FAM9A: variants seen among roughly 807,000 people sequenced by gnomAD.
The protein encoded by FAM9A is protein FAM9A.
Under a neutral mutation model 25.0 loss-of-function variants are expected in FAM9A, and 49 were observed. That is an observed-to-expected ratio of 1.96 (90% CI 1.56 to 2.48). The LOEUF (loss-of-function observed/expected upper bound fraction) is 2.48. Among genes scored for constraint, FAM9A ranks in the 30% most tolerant of loss-of-function variants. The probability of loss-of-function intolerance (pLI) is 0.00; values close to 1 mark genes in which losing one functional copy is unlikely to be tolerated. For missense variants in FAM9A, 266 were observed against 249.3 expected (o/e 1.07, Z -0.45); for synonymous variants, 80 against 85.1 (o/e 0.94, Z 0.33).
chrX:8,793,792 A>G (rs1569103692), intron 7 of FAM9A, 36 bp from the exon 8 acceptor site: 3 of 948,568 alleles, frequency 3.2e-6, no homozygotes, highest in Middle Eastern at 2.6e-4. Context: ...AAAATTGGGT[A>G]ATTTTTAATA....
At chrX:8,797,248 A>G (rs1386188221) in intron 5 of FAM9A, among the ~76,000 whole-genome samples, 1 of 112,236 alleles carries the variant, frequency 8.9e-6, no homozygotes, top group Non-Finnish European at 1.9e-5. Flanking sequence ...AAGAGCTGAA[A>G]ACTGAATTGA....
chrX:8,799,716 T>G (rs867813029), intron 2 of FAM9A, among the ~76,000 whole-genome samples: 1 of 33,489 alleles, frequency 3.0e-5, no homozygotes, highest in African/African-American at 1.3e-4. Context: ...CCCCCGACCC[T>G]CCCCCCTCTG....
chrX:8,795,245 C>G lies in FAM9A; in HGVS notation c.664G>C (p.Glu222Gln). The G allele has an allele frequency of 8.6e-7, 1 of 1,156,357 alleles. No individual in the cohort carries two copies. The highest frequency in any genetic ancestry group is 1.2e-6 in the Non-Finnish European group (1 of 859,362). Residue 222 changes from glutamate (E) to glutamine (Q), a missense_variant, in exon 7 of 10, where the codon GAA becomes CAA. Coordinates refer to ENST00000381003, the MANE Select transcript of FAM9A (RefSeq NM_174951.3). ...TCCTCCTCCTTCTCTTCCTCCTCTT[C>G]GTCTTCTACTACTATTACTTCTGCT... ...AAAEVIVVED[E>Q]EEEEKEEEEE... is the part of the protein sequence containing the mutation.
intron 5 of FAM9A, among the ~76,000 whole-genome samples, 165 bp downstream of exon 5, chrX:8,797,985 T>C (rs953403781): frequency 1.8e-5 from 2 of 111,948 alleles, no homozygotes; most frequent in East Asian, 5.6e-4. Context: ...AAGGTAAGTA[T>C]GAAAATTTAT....
At chrX:8,800,027 T>C (rs1270941303) in intron 2 of FAM9A, 54 bp downstream of exon 2, 18 of 1,158,365 alleles carry the variant, frequency 1.6e-5, no homozygotes, top group Middle Eastern at 4.7e-4. Context: ...GGTCTCGGGC[T>C]GCCCATGTGC....
intron 7 of FAM9A, among the ~76,000 whole-genome samples, chrX:8,794,216 G>A (rs1158573292): frequency 9.0e-6 from 1 of 111,411 alleles, no homozygotes; most frequent in Non-Finnish European, 1.9e-5. Context: ...CAACAACAGT[G>A]TTCTCCTCTC....
Position 8,795,380 on chromosome X carries a change from C to A in FAM9A, c.529G>T (p.Val177Phe). ...DYRHTRKLLN[V>F]LKEYIAEKQK... is the part of the protein sequence containing the mutation. ...TTCTCTGCGATGTATTCTTTAAGGA[C>A]ATTCAGCAACTTCCGAGTATGTCTA... The change falls in exon 7 of 10, where the codon GTC becomes TTC. Residue 177 changes from valine to phenylalanine, a missense_variant. By Grantham distance (50) the Val-to-Phe change is conservative (BLOSUM62 -1). Transcript: ENST00000381003. The A allele has an allele frequency of 8.3e-7, 1 of 1,203,679 alleles. No individual in the cohort carries two copies. Among genetic ancestry groups the A allele is most frequent in the South Asian group, 1.8e-5 (1 of 56,500 alleles).
intron 7 of FAM9A, 78 bp from the exon 8 acceptor site, chrX:8,793,834 A>G (rs1227828928): frequency 6.1e-6 from 4 of 655,994 alleles, no homozygotes; most frequent in Non-Finnish European, 9.6e-6. Context: ...TTAGCTTTAT[A>G]GGAATACTCT....
In FAM9A at chrX:8,793,314, G is replaced by A. The variant is rs758235750; in HGVS notation, c.930+344C>T. 3.9e-4 allele frequency among the ~76,000 whole-genome samples: 44 copies of A among 111,909 alleles called. 2 individuals carry two copies. The highest frequency in any genetic ancestry group is 1.3e-3 in the African/African-American group (41 of 30,828). ...TTGTGGGAATCATGTATCTCCTACC[G>A]CTCAAGAACATAGCCAAGGTCTGTT... On this transcript the variant is annotated intron_variant, in intron 8 of 9. Coordinates refer to ENST00000381003, the MANE Select transcript of FAM9A (RefSeq NM_174951.3).
intron 8 of FAM9A, 108 bp downstream of exon 8, chrX:8,793,549 TA>T: frequency 1.7e-6 from 1 of 573,584 alleles, no homozygotes; most frequent in Non-Finnish European, 2.8e-6. Context: ...GTAAGTAATT[TA>T]AAATGCATAA....
chrX:8,800,336 G>A, intron 1 of FAM9A, 127 bp from the exon 2 acceptor site: 1 of 889,718 alleles, frequency 1.1e-6, no homozygotes, highest in South Asian at 2.5e-5. Context: ...GGAGCAGGAG[G>A]GGTCGGAGAA....
intron 7 of FAM9A, 118 bp downstream of exon 7, chrX:8,794,960 A>C: frequency 5.7e-6 from 6 of 1,044,130 alleles, no homozygotes; most frequent in Non-Finnish European, 6.4e-6. Flanking sequence ...GAGTCCACTT[A>C]TGGGCCCCCC....
rs1933515714 is a variant in FAM9A, at chrX:8,795,204, CTCT to C, written c.702_704del (p.Glu239del). 2.8e-6 allele frequency: 3 copies of C among 1,053,490 alleles called. No homozygotes were observed. Among genetic ancestry groups the C allele is most frequent in the Admixed American group, 2.6e-5 (1 of 38,249 alleles). 86.8% of individuals were successfully genotyped at this position (1,053,490 alleles called of 1,213,427 possible). On this transcript the variant is annotated inframe_deletion, in exon 7 of 10. Transcript: ENST00000381003. ...CTTCTTCTTCTCCTTCTTCTTCCTC[CTCT>C]TCTTTCTCCTCCTCCTCCTCCTTCT...
In FAM9A at chrX:8,797,216, C is replaced by T. The variant is rs766995981; in HGVS notation, c.374-834G>A. Among the ~76,000 whole-genome samples, 6 of 112,380 alleles carry T rather than the reference C, an allele frequency of 5.3e-5. No homozygotes were observed. The East Asian group carries it at 1.7e-3, about 31-fold the overall frequency. Reference sequence around the variant, plus strand: ...AGAGCAAAGCTTTCCAAATATACTGCTTGTATGAATTATCGCTAGAGAAGA... The same window carrying T: ...AGAGCAAAGCTTTCCAAATATACTGTTTGTATGAATTATCGCTAGAGAAGA... On this transcript the variant is annotated intron_variant, in intron 5 of 9. Coordinates refer to ENST00000381003, the MANE Select transcript of FAM9A (RefSeq NM_174951.3).
chrX:8,793,253 A>G (rs1933489590), intron 8 of FAM9A, among the ~76,000 whole-genome samples: 1 of 112,099 alleles, frequency 8.9e-6, no homozygotes, highest in African/African-American at 3.2e-5. Context: ...ATTAAAACCC[A>G]TTTATGCCTA....
At chrX:8,796,679 A>G (rs1273022048) in intron 5 of FAM9A, among the ~76,000 whole-genome samples, 1 of 112,307 alleles carries the variant, frequency 8.9e-6, no homozygotes, top group East Asian at 2.8e-4. Flanking sequence ...TTACAAACAC[A>G]GACTCTAATT....
intron 7 of FAM9A, among the ~76,000 whole-genome samples, 167 bp from the exon 8 acceptor site, chrX:8,793,923 G>A (rs1249603490): frequency 1.8e-5 from 2 of 112,205 alleles, no homozygotes; most frequent in African/African-American, 6.5e-5. Context: ...CCACCCATAT[G>A]CTAAAATGAT....
rs755391299 is a variant in FAM9A, at chrX:8,800,117, C to A, written c.55G>T (p.Ala19Ser). Residue 19 changes from alanine (A) to serine (S), a missense_variant, in exon 2 of 10, where the codon GCT becomes TCT. By Grantham distance (99) the Ala-to-Ser change is moderately conservative (BLOSUM62 1). Transcript: ENST00000381003. The stretch of plus-strand genomic sequence containing the variant: ...GCCCCCTGGGCGGCCGTAACTTGAG[C>A]TTCCAACTGAGCTTTGGCAGCCTTC... ...SRKAAKAQLEAQVTAAQGATK... is the reference protein window; with the variant it reads ...SRKAAKAQLESQVTAAQGATK... The A allele has an allele frequency of 5.0e-6, 6 of 1,206,595 alleles. No homozygotes were observed. Among genetic ancestry groups the A allele is most frequent in the Non-Finnish European group, 6.7e-6 (6 of 893,821 alleles).
Position 8,791,136 on chromosome X carries a change from G to A in FAM9A, c.*68C>T. 2.4e-6 allele frequency: 1 copy of A among 408,558 alleles called. No individual in the cohort carries two copies. Among genetic ancestry groups the A allele is most frequent in the Non-Finnish European group, 4.3e-6 (1 of 235,027 alleles). 33.7% of individuals were successfully genotyped at this position (408,558 alleles called of 1,213,427 possible). ...TTTCTTCAGTCATCAGAATAACAGA[G>A]GTTGAAGAGACAATGAAGTGCCAAC... On this transcript the variant is annotated 3_prime_UTR_variant, in exon 10 of 10. Transcript: ENST00000381003.
Sources: allele counts gnomAD v4.1 joint callset (sites outside exome capture counted in the v4.1 genomes callset), GRCh38; gene constraint gnomAD v4.1.1; transcripts MANE v1.5; gene names NCBI Gene and HGNC (gene_info 2026-07-23, HGNC 2026-07-21).